LEKR1: variants seen among roughly 807,000 people sequenced by gnomAD.
The protein encoded by LEKR1 is protein LEKR1.
In LEKR1, 59 loss-of-function variants were observed where a neutral mutation model predicts 72.4. The observed-to-expected ratio is 0.82, with a 90% CI of 0.66 to 1.01. The LOEUF is 1.01. Among genes scored for constraint, LEKR1 ranks in the 50% least tolerant of loss-of-function variants. The pLI is 0.00. For synonymous variants in LEKR1, 257 were observed against 263.2 expected (o/e 0.98, Z 0.23); for missense variants, 728 against 759.2 (o/e 0.96, Z 0.48).
chr3:156,971,372 G>A (rs568684904), intron 6 of LEKR1, among the ~76,000 whole-genome samples: 8 of 152,184 alleles, frequency 5.3e-5, no homozygotes, highest in Non-Finnish European at 1.0e-4. Flanking sequence ...TGTTGGACCT[G>A]AAACCATAAA....
At chr3:156,960,718 G>T (rs914440174) in intron 6 of LEKR1, among the ~76,000 whole-genome samples, 18 of 151,776 alleles carry the variant, frequency 1.2e-4, no homozygotes, top group African/African-American at 4.1e-4. Context: ...GTTAATTCTG[G>T]TGCATATAGT....
intron 3 of LEKR1, among the ~76,000 whole-genome samples, chr3:156,902,834 A>G (rs1255136057): frequency 6.6e-6 from 1 of 152,030 alleles, no homozygotes; most frequent in Admixed American, 6.6e-5. Context: ...TGCTTGATTT[A>G]TTTTTATAAT....
In LEKR1 at chr3:156,852,870, A is replaced by G. The variant is rs1407508615; in HGVS notation, c.151A>G (p.Met51Val). The G allele has an allele frequency of 2.0e-6, 3 of 1,534,476 alleles. No homozygotes were observed. The highest frequency in any genetic ancestry group is 2.6e-6 in the Non-Finnish European group (3 of 1,144,758). Residue 51 changes from methionine to valine, a missense_variant, in exon 3 of 13, where the codon ATG becomes GTG. Physicochemically the swap from Met to Val is conservative, Grantham distance 21 (BLOSUM62 1). Transcript: ENST00000356539. The part of the protein sequence containing the change: ...EEKVKAMEKE[M>V]KFYQGSVDRE... ...AAAAGTGAAAGCAATGGAAAAAGAG[A>G]TGAAATTTTATCAAGGAAGTGTAGA...
chr3:156,941,063 T>A (rs1576867140), intron 5 of LEKR1, among the ~76,000 whole-genome samples: 1 of 152,128 alleles, frequency 6.6e-6, no homozygotes, highest in African/African-American at 2.4e-5. Flanking sequence ...AAATTTTATG[T>A]ACTGTGTGTT....
intron 3 of LEKR1, 166 bp downstream of exon 3, chr3:156,853,148 G>T (rs1715604218): frequency 2.8e-6 from 1 of 351,744 alleles, no homozygotes; most frequent in East Asian, 4.3e-5. Context: ...AATTATTATA[G>T]TTTGCTTTCT....
intron 12 of LEKR1, among the ~76,000 whole-genome samples, chr3:157,030,474 A>C (rs1314684857): frequency 1.3e-5 from 2 of 152,206 alleles, no homozygotes; most frequent in Non-Finnish European, 2.9e-5. Context: ...ACTTTGCATG[A>C]GTAATTAAAT....
intron 2 of LEKR1, among the ~76,000 whole-genome samples, chr3:156,848,281 A>C (rs1009553066): frequency 1.3e-5 from 2 of 152,242 alleles, no homozygotes; most frequent in Non-Finnish European, 2.9e-5. Context: ...GTCTGAAGAC[A>C]TGCAGAGAGT....
At chr3:156,876,252 AG>A (rs1718563597) in intron 3 of LEKR1, among the ~76,000 whole-genome samples, 1 of 152,114 alleles carries the variant, frequency 6.6e-6, no homozygotes, top group Non-Finnish European at 1.5e-5. Context: ...TATAGTTTGA[AG>A]TTGGGTAATG....
chr3:156,948,832 C>T (rs566370473), intron 6 of LEKR1, among the ~76,000 whole-genome samples: 5 of 151,206 alleles, frequency 3.3e-5, no homozygotes, highest in Non-Finnish European at 5.9e-5. Flanking sequence ...GCATCTGTTA[C>T]TTTTTGACTT....
At chr3:157,027,876 A>G (rs935152576) in intron 11 of LEKR1, among the ~76,000 whole-genome samples, 5 of 152,188 alleles carry the variant, frequency 3.3e-5, no homozygotes, top group African/African-American at 9.7e-5. Context: ...AGAAATTTAT[A>G]TATTTCCAAA....
rs1292974106 is a variant in LEKR1, at chr3:156,992,746, T to G, written c.905+16T>G. On this transcript the variant is annotated intron_variant, in intron 8 of 12. Transcript: ENST00000356539. ...CTGAGTCACAGTATGCATTACCAAT[T>G]TTTAAATTTATATTTTTAATAATTG... 5 of 661,534 alleles carry G rather than the reference T, an allele frequency of 7.6e-6. No individual in the cohort carries two copies. The highest frequency in any genetic ancestry group is 1.0e-5 in the Non-Finnish European group (5 of 498,880). 41.0% of individuals were successfully genotyped at this position (661,534 alleles called of 1,614,324 possible).
chr3:156,837,084 A>C (rs1391403439), intron 2 of LEKR1, among the ~76,000 whole-genome samples: 1 of 152,260 alleles, frequency 6.6e-6, no homozygotes, highest in Admixed American at 6.5e-5. Flanking sequence ...CTTTTAAAAA[A>C]AATGGTATAC....
At chr3:157,002,578 T>A (rs1427970367) in intron 9 of LEKR1, among the ~76,000 whole-genome samples, 1 of 152,148 alleles carries the variant, frequency 6.6e-6, no homozygotes, top group African/African-American at 2.4e-5. Flanking sequence ...TTCTGCTTTA[T>A]CCCATTAAAG....
chr3:157,025,563 T>C (rs1413986473), intron 11 of LEKR1, among the ~76,000 whole-genome samples: 1 of 152,176 alleles, frequency 6.6e-6, no homozygotes, highest in East Asian at 1.9e-4. Flanking sequence ...CAAGACCTAA[T>C]GGCTTCTACA....
chr3:156,899,515 CAT>C (rs1721678930), intron 3 of LEKR1, among the ~76,000 whole-genome samples: 3 of 103,250 alleles, frequency 2.9e-5, no homozygotes, highest in Non-Finnish European at 5.6e-5. Context: ...TGTATATATA[CAT>C]ACATACATAT....
chr3:156,940,783 A>G (rs774713209), intron 5 of LEKR1, among the ~76,000 whole-genome samples: 1 of 152,176 alleles, frequency 6.6e-6, no homozygotes, highest in East Asian at 1.9e-4. Context: ...AGAAAGTCAC[A>G]TTGACATGAG....
At chr3:156,906,083 A>C (rs1576793098) in intron 3 of LEKR1, among the ~76,000 whole-genome samples, 1 of 152,174 alleles carries the variant, frequency 6.6e-6, no homozygotes, top group Non-Finnish European at 1.5e-5. Flanking sequence ...TTGACAAAAA[A>C]GAGTGCAGAT....
At chr3:156,920,493 T>A (rs1372867081) in intron 3 of LEKR1, 82 bp from the exon 4 acceptor site, 4 of 837,612 alleles carry the variant, frequency 4.8e-6, no homozygotes, top group Non-Finnish European at 7.2e-6. Flanking sequence ...CTCCTTTTTA[T>A]TAAAAGTAAG....
At chr3:156,866,066 T>G (rs6441099) in intron 3 of LEKR1, among the ~76,000 whole-genome samples, 51,062 of 151,944 alleles carry the variant, frequency 0.34, 11,233 homozygotes, top group African/African-American at 0.62. Flanking sequence ...TCTATTTCTA[T>G]CACCTAACAG....
Sources: allele counts gnomAD v4.1 joint callset (sites outside exome capture counted in the v4.1 genomes callset), GRCh38; gene constraint gnomAD v4.1.1; transcripts MANE v1.5; gene names NCBI Gene and HGNC (gene_info 2026-07-23, HGNC 2026-07-21).